The following RGS6 variants were observed in gnomAD, a reference collection of about 807,000 sequenced individuals.
RGS6 encodes the protein regulator of G-protein signaling 6.
A neutral mutation model predicts 78.5 loss-of-function variants in RGS6; 30 were observed. The observed-to-expected ratio is 0.38, with a 90% CI of 0.29 to 0.52. The LOEUF (loss-of-function observed/expected upper bound fraction) is 0.52. Ranked by LOEUF, RGS6 falls within the 20% of genes least tolerant of loss-of-function variation. RGS6 has a pLI of 0.85. For synonymous variants in RGS6, 206 were observed against 206.0 expected, an observed-to-expected ratio of 1.00 and a Z score of 0.00; for missense variants, 495 against 609.7, an observed-to-expected ratio of 0.81 and a Z score of 1.98.
chr14:72,073,610 A>C (rs566340856), intron 2 of RGS6, among the ~76,000 whole-genome samples: 1 of 152,192 alleles, frequency 6.6e-6, no homozygotes. Context: ...CCACTTAGAC[A>C]TGCCAGTTCA....
chr14:72,230,811 A>G (rs2049368977), intron 2 of RGS6, among the ~76,000 whole-genome samples: 4 of 152,264 alleles, frequency 2.6e-5, no homozygotes, highest in Admixed American at 1.3e-4. Flanking sequence ...TCCTTTACTG[A>G]CAGTCAGCTG....
intron 2 of RGS6, among the ~76,000 whole-genome samples, chr14:72,230,511 C>G (rs939566027): frequency 6.6e-6 from 1 of 152,084 alleles, no homozygotes; most frequent in Non-Finnish European, 1.5e-5. Context: ...ATTGAGGATC[C>G]AACTAAGATT....
chr14:71,967,920 C>T (rs1004719559), intron 2 of RGS6, among the ~76,000 whole-genome samples: 1 of 152,166 alleles, frequency 6.6e-6, no homozygotes, highest in African/African-American at 2.4e-5. Context: ...ATTTCCTTTT[C>T]ATGTTTTCAT....
intron 3 of RGS6, among the ~76,000 whole-genome samples, chr14:72,383,778 C>T (rs908947126): frequency 1.3e-5 from 2 of 151,798 alleles, no homozygotes; most frequent in Non-Finnish European, 2.9e-5. Flanking sequence ...GAGCCATCTA[C>T]GGTAAATGCA....
At chr14:72,450,837 C>A (rs1369908434) in intron 3 of RGS6, among the ~76,000 whole-genome samples, 3 of 152,202 alleles carry the variant, frequency 2.0e-5, no homozygotes, top group African/African-American at 7.2e-5. Flanking sequence ...AATGCTTTCT[C>A]CTGCTGGTGA....
chr14:72,612,567 G>T, the RGS6 span: 5 of 478,780 alleles, frequency 1.0e-5, no homozygotes, highest in African/African-American at 1.5e-4. Flanking sequence ...CATCTATCAC[G>T]GCAGAGGGAA....
At chr14:72,448,769 C>T (rs570756909) in intron 3 of RGS6, among the ~76,000 whole-genome samples, 2 of 152,018 alleles carry the variant, frequency 1.3e-5, no homozygotes, top group Non-Finnish European at 2.9e-5. Flanking sequence ...ATTGTTTTTT[C>T]TTTATACTAC....
chr14:71,966,027 G>A (rs1318937969), intron 2 of RGS6, among the ~76,000 whole-genome samples: 1 of 152,150 alleles, frequency 6.6e-6, no homozygotes, highest in Admixed American at 6.5e-5. Flanking sequence ...GAAGAAAATG[G>A]CACATAAGTT....
the RGS6 span, among the ~76,000 whole-genome samples, chr14:71,908,874 T>G: frequency 2.6e-5 from 4 of 152,196 alleles, no homozygotes; most frequent in Non-Finnish European, 5.9e-5. Context: ...CTTATAAGGT[T>G]AATATTTATG....
intron 15 of RGS6, among the ~76,000 whole-genome samples, chr14:72,530,459 G>A (rs1269090388): frequency 6.6e-6 from 1 of 152,062 alleles, no homozygotes; most frequent in Non-Finnish European, 1.5e-5. Context: ...AGGCCGAGGC[G>A]GGTGAATCAC....
At chr14:72,363,741 T>G (rs570704401) in intron 3 of RGS6, among the ~76,000 whole-genome samples, 1 of 152,252 alleles carries the variant, frequency 6.6e-6, no homozygotes, top group Non-Finnish European at 1.5e-5. Flanking sequence ...AAGCATGATC[T>G]AAAAGTTGGA....
intron 1 of RGS6, among the ~76,000 whole-genome samples, chr14:71,933,839 C>T (rs1439978144): frequency 6.6e-6 from 1 of 152,116 alleles, no homozygotes; most frequent in Non-Finnish European, 1.5e-5. Context: ...TTCCACTGGA[C>T]TTTCTTTCCA....
rs1194204934 is a variant in RGS6 at position 72,395,212 on chromosome 14, AAAAAG to A, written c.184+43025_184+43029del. Among the ~76,000 whole-genome samples, 4 of 152,328 alleles carry A rather than the reference AAAAAG, an allele frequency of 2.6e-5. No individual in the cohort carries two copies. The East Asian group carries it at 5.8e-4, about 22-fold the overall frequency. The stretch of plus-strand genomic sequence containing the variant: ...AAGGACTCAAGAGTTGCAGAAAAGT[AAAAAG>A]AAAAGAGTAAAATCATTTTCTAAAT... On this transcript the variant is annotated intron_variant, in intron 3 of 17. Transcript: ENST00000553525.
At chr14:71,990,474 GTTA>G (rs2094907664) in intron 2 of RGS6, 1 of 385,440 alleles carries the variant, frequency 2.6e-6, no homozygotes, top group South Asian at 1.9e-5. Flanking sequence ...ATGGGAATAT[GTTA>G]TTAACCAGGA....
intron 3 of RGS6, among the ~76,000 whole-genome samples, chr14:72,371,715 C>T (rs974584770): frequency 1.3e-5 from 2 of 152,136 alleles, no homozygotes; most frequent in African/African-American, 2.4e-5. Flanking sequence ...GAGCCGAGAT[C>T]GCACCATTGC....
chr14:72,265,742 A>G (rs2058942418), intron 2 of RGS6, among the ~76,000 whole-genome samples: 2 of 151,936 alleles, frequency 1.3e-5, no homozygotes, highest in South Asian at 4.2e-4. Context: ...CCCACTCTTC[A>G]CACATACATG....
chr14:72,259,278 G>A (rs963540054), intron 2 of RGS6, among the ~76,000 whole-genome samples: 4 of 152,068 alleles, frequency 2.6e-5, no homozygotes, highest in Admixed American at 6.5e-5. Context: ...AGTTAATATT[G>A]TAACTATATA....
At chr14:72,146,486 G>T (rs1455563178) in intron 2 of RGS6, among the ~76,000 whole-genome samples, 1 of 152,120 alleles carries the variant, frequency 6.6e-6, no homozygotes, top group African/African-American at 2.4e-5. Context: ...GAGACTCAAG[G>T]CATGATTCAC....
chr14:72,526,064 A>C (rs2097112890), intron 15 of RGS6, among the ~76,000 whole-genome samples: 1 of 152,034 alleles, frequency 6.6e-6, no homozygotes, highest in East Asian at 1.9e-4. Flanking sequence ...CCTTATACCA[A>C]ACCCCATGAC....
Sources: gnomAD v4.1 joint callset for allele counts (sites outside exome capture counted in the v4.1 genomes callset) on GRCh38, gnomAD v4.1.1 for gene constraint, MANE v1.5 for transcripts, NCBI Gene and HGNC (gene_info 2026-07-23, HGNC 2026-07-21) for gene names.